The following ITPA variants were observed in gnomAD, a reference collection of about 807,000 sequenced individuals.
ITPA encodes the protein inosine triphosphatase.
Under a neutral mutation model 29.6 loss-of-function variants are expected in ITPA, and 29 were observed. That is an observed-to-expected ratio of 0.98 (90% CI 0.73 to 1.34). The LOEUF (loss-of-function observed/expected upper bound fraction) is 1.34, where lower values mean the gene tolerates loss of function less well. Ranked by LOEUF, ITPA falls within the 40% of genes most tolerant of loss-of-function variation. The probability of loss-of-function intolerance (pLI) is 0.00; values close to 1 mark genes in which losing one functional copy is unlikely to be tolerated. For synonymous variants in ITPA, 103 were observed against 99.3 expected, an observed-to-expected ratio of 1.04 and a Z score of -0.22; for missense variants, 241 against 251.5, an observed-to-expected ratio of 0.96 and a Z score of 0.28.
chr20:3,207,609 C>G (rs1242904537), upstream of ITPA, among the ~76,000 whole-genome samples: 8 of 144,564 alleles, frequency 5.5e-5, no homozygotes, highest in South Asian at 2.2e-4. Context: ...CAGGAGAATC[C>G]CTTGAACCCG....
intron 7 of ITPA, 76 bp from the exon 8 acceptor site, chr20:3,223,290 A>T: frequency 9.4e-7 from 1 of 1,061,640 alleles, no homozygotes; most frequent in Admixed American, 1.9e-5. Flanking sequence ...TCCAGGGATG[A>T]GATGAGGTAG....
In ITPA at chr20:3,214,452, C is replaced by T. The variant is rs956623911; in HGVS notation, c.263+394C>T. 5.3e-5 allele frequency among the ~76,000 whole-genome samples: 8 copies of T among 150,678 alleles called. 1 individual carries two copies. The highest frequency in any genetic ancestry group is 1.7e-4 in the African/African-American group (7 of 41,224). On this transcript the variant is annotated intron_variant, in intron 4 of 7. Transcript: ENST00000380113. The stretch of plus-strand genomic sequence containing the variant: ...CATGATCATAGCTCACTGCAGTCTC[C>T]ACCTGCCAGGCTCAGGTGATCTTCC...
At chr20:3,204,641 G>C (rs376141040), upstream of ITPA, 16 of 1,570,768 alleles carry the variant, frequency 1.0e-5, no homozygotes, top group African/African-American at 1.3e-5. Context: ...GAGGGCCTCA[G>C]TGCAGAACCA....
intron 5 of ITPA, among the ~76,000 whole-genome samples, chr20:3,218,209 C>T (rs186150646): frequency 1.2e-3 from 188 of 152,322 alleles, no homozygotes; most frequent in Admixed American, 5.8e-3. Context: ...TGAGCCACCA[C>T]GCCCGGCCTA....
chr20:3,222,633 G>C (rs544357208), intron 7 of ITPA, among the ~76,000 whole-genome samples: 1 of 152,150 alleles, frequency 6.6e-6, no homozygotes, highest in Admixed American at 6.5e-5. Flanking sequence ...TCTGTAGTTC[G>C]CACAAATCGC....
At chr20:3,207,149 T>C (rs1408199070), upstream of ITPA, among the ~76,000 whole-genome samples, 1 of 152,164 alleles carries the variant, frequency 6.6e-6, no homozygotes, top group Non-Finnish European at 1.5e-5. Flanking sequence ...TAGAGTACAG[T>C]GGCACTCTTG....
Position 3,223,304 on chromosome 20 carries a change from T to A in ITPA, c.489-62T>A, listed in dbSNP as rs2236206. ...CTCCAGGGATGAGATGAGGTAGGGT[T>A]GGGAGGGGGTGCACTTCCTTCCTGA... On this transcript the variant is annotated intron_variant, in intron 7 of 7. Coordinates refer to ENST00000380113, the MANE Select transcript of ITPA (RefSeq NM_033453.4). 690,526 of 1,206,226 alleles carry A rather than the reference T, an allele frequency of 0.57. 200,050 individuals carry two copies. The highest frequency in any genetic ancestry group is 0.64 in the South Asian group (50,698 of 79,552). 74.7% of individuals were successfully genotyped at this position (1,206,226 alleles called of 1,614,324 possible).
downstream of ITPA, among the ~76,000 whole-genome samples, chr20:3,225,094 C>T (rs970006620): frequency 2.0e-5 from 3 of 152,090 alleles, no homozygotes; most frequent in Non-Finnish European, 4.4e-5. Flanking sequence ...GACACAGCTA[C>T]TCAGGATTCC....
Position 3,223,666 on chromosome 20 carries a change from T to G in ITPA, c.*204T>G, listed in dbSNP as rs977251530. 2 of 610,006 alleles carry G rather than the reference T, an allele frequency of 3.3e-6. No homozygotes were observed. The highest frequency in any genetic ancestry group is 5.9e-6 in the Non-Finnish European group (2 of 338,820). The allele number at this position is 610,006 out of a possible 1,614,324, so 37.8% of individuals were successfully genotyped here. A position where few individuals can be genotyped will look rare whatever the true frequency, so the allele number is the denominator to read the frequency against. ...GCAAGTGGACGCCATTCTCTTGCCC[T>G]TAGGATTCACTGCTCTCTCCTACAG... On this transcript the variant is annotated 3_prime_UTR_variant, in exon 8 of 8. Transcript: ENST00000380113.
downstream of ITPA, among the ~76,000 whole-genome samples, chr20:3,227,116 C>T (rs1463452669): frequency 2.0e-5 from 3 of 152,366 alleles, no homozygotes; most frequent in South Asian, 2.1e-4. Context: ...TGGTCCCTCC[C>T]GCCCCACTGC....
intron 5 of ITPA, among the ~76,000 whole-genome samples, chr20:3,216,394 G>A (rs1422477882): frequency 1.3e-5 from 2 of 150,792 alleles, no homozygotes; most frequent in East Asian, 1.9e-4. Flanking sequence ...TTCTGACCTC[G>A]TGATCTGCCT....
intron 6 of ITPA, among the ~76,000 whole-genome samples, chr20:3,220,598 G>T (rs76622466): frequency 0.072 from 10,927 of 151,868 alleles, 535 homozygotes; most frequent in Middle Eastern, 0.12. Flanking sequence ...ACCCAGGCTG[G>T]AGTGTAGTGG....
At chr20:3,223,088 TC>T (rs771852923) in intron 7 of ITPA, among the ~76,000 whole-genome samples, 2 of 152,012 alleles carry the variant, frequency 1.3e-5, no homozygotes, top group Non-Finnish European at 2.9e-5. Context: ...ATGCAGCTCA[TC>T]CCCCCCTGTC....
At chr20:3,225,472 C>A (rs763784427), downstream of ITPA, among the ~76,000 whole-genome samples, 1 of 152,134 alleles carries the variant, frequency 6.6e-6, no homozygotes, top group African/African-American at 2.4e-5. Context: ...CATAATGAGA[C>A]CTCCATAAAA....
Position 3,214,681 on chromosome 20 carries a change from G to A in ITPA, c.264-600G>A, listed in dbSNP as rs560300020. On this transcript the variant is annotated intron_variant, in intron 4 of 7. Coordinates refer to ENST00000380113, the MANE Select transcript of ITPA (RefSeq NM_033453.4). ...TGCAAGCTCTGCCTCCCGGGTTCAC[G>A]CCATTCTCCTGTCTCAGCCTCCCGA... is the stretch of plus-strand genomic sequence containing the variant. Among the ~76,000 whole-genome samples, 86 of 152,090 alleles carry A rather than the reference G, an allele frequency of 5.7e-4. 1 individual carries two copies. The East Asian group carries it at 0.016, about 29-fold the overall frequency.
chr20:3,204,996 GC>G, upstream of ITPA, among the ~76,000 whole-genome samples: 1 of 152,048 alleles, frequency 6.6e-6, no homozygotes, highest in East Asian at 1.9e-4. Flanking sequence ...GATTACAGGC[GC>G]CCGCCACCAC....
At chr20:3,213,029 G>A (rs1306126192) in intron 1 of ITPA, 140 bp from the exon 2 acceptor site, 1 of 865,312 alleles carries the variant, frequency 1.2e-6, no homozygotes, top group Admixed American at 1.9e-5. Context: ...CTGAAAGCCG[G>A]GGTGAGGCCC....
chr20:3,218,624 C>T lies in ITPA; in HGVS notation c.403C>T (p.Arg135Trp), dbSNP rs749416835. The T allele has an allele frequency of 3.2e-5, 52 of 1,611,046 alleles. No homozygotes were observed. Among genetic ancestry groups the T allele is most frequent in the Non-Finnish European group, 4.4e-5 (52 of 1,177,804 alleles). Residue 135 changes from arginine to tryptophan, a missense_variant, in exon 6 of 8, where the codon CGG becomes TGG. By Grantham distance (101) the Arg-to-Trp change is moderately radical. Transcript: ENST00000380113. ...PSQPVRLFRG[R>W]TSGRIVAPRG... ...CCAGCCCGTGCGCCTGTTCAGGGGC[C>T]GGACCTCGGTGCGTACCCACCTTGA...
intron 3 of ITPA, 125 bp downstream of exon 3, chr20:3,213,508 C>G (rs2067221328): frequency 1.7e-6 from 2 of 1,152,260 alleles, no homozygotes; most frequent in African/African-American, 3.1e-5. Flanking sequence ...CCAGAGTCCT[C>G]TAGGGTTCAG....
Sources: gnomAD v4.1 joint callset for allele counts (sites outside exome capture counted in the v4.1 genomes callset) on GRCh38, gnomAD v4.1.1 for gene constraint, MANE v1.5 for transcripts, NCBI Gene and HGNC (gene_info 2026-07-23, HGNC 2026-07-21) for gene names.